The following ANKRD36 variants were observed in gnomAD, a reference collection of about 807,000 sequenced individuals.
ANKRD36 encodes the protein ankyrin repeat domain 36.
In ANKRD36, 179 loss-of-function variants were observed where a neutral mutation model predicts 278.1. The ratio of observed to expected loss-of-function variants is 0.64; its 90% confidence interval spans 0.57 to 0.73. ANKRD36 has a LOEUF of 0.73. Among genes scored for constraint, ANKRD36 ranks in the 30% least tolerant of loss-of-function variants. The pLI is 0.00. For missense variants in ANKRD36, 1,159 were observed against 1,956.7 expected, an observed-to-expected ratio of 0.59 and a Z score of 7.69; for synonymous variants, 320 against 641.1, an observed-to-expected ratio of 0.50 and a Z score of 7.57.
chr2:97,198,420 C>A, intron 42 of ANKRD36, 43 bp from the exon 43 acceptor site: 1 of 1,563,808 alleles, frequency 6.4e-7, no homozygotes, highest in Non-Finnish European at 8.6e-7. Context: ...ATAATTTTGT[C>A]GTTTTTACAT....
intron 24 of ANKRD36, among the ~76,000 whole-genome samples, chr2:97,181,030 G>A (rs139461988): frequency 2.2e-4 from 34 of 151,772 alleles, no homozygotes; most frequent in Non-Finnish European, 3.2e-4. Flanking sequence ...CACCACATGG[G>A]TGTGAGAAAT....
chr2:97,228,836 G>C (rs1378531777), intron 67 of ANKRD36, among the ~76,000 whole-genome samples: 5 of 151,802 alleles, frequency 3.3e-5, no homozygotes, highest in African/African-American at 7.3e-5. Context: ...GGTATGTTGT[G>C]TCTTTGTTCT....
At chr2:97,138,272 A>G (rs2042029949) in intron 6 of ANKRD36, among the ~76,000 whole-genome samples, 1 of 152,102 alleles carries the variant, frequency 6.6e-6, no homozygotes, top group African/African-American at 2.4e-5. Context: ...TCAATGTGCA[A>G]AATTCACAAG....
intron 50 of ANKRD36, among the ~76,000 whole-genome samples, chr2:97,204,824 T>G (rs376052409): frequency 4.0e-5 from 6 of 151,502 alleles, no homozygotes; most frequent in Non-Finnish European, 5.9e-5. Context: ...TGGAATATTT[T>G]CATAAAAAAT....
In ANKRD36 at chr2:97,173,173, T is replaced by C. The variant is rs528575565; in HGVS notation, c.1633+5406T>C. The stretch of plus-strand genomic sequence containing the variant: ...TGAATAAAATTTCAGAGCTTGTTTC[T>C]CTGGAAAGCATAGACATAGTGGTGT... On this transcript the variant is annotated intron_variant, in intron 22 of 75. Coordinates refer to ENST00000420699, the MANE Select transcript of ANKRD36 (RefSeq NM_001354587.1). Among the ~76,000 whole-genome samples the C allele has an allele frequency of 3.3e-5, 5 of 151,864 alleles. No homozygotes were observed. The East Asian group carries it at 9.7e-4, about 29-fold the overall frequency.
intron 52 of ANKRD36, among the ~76,000 whole-genome samples, 192 bp downstream of exon 52, chr2:97,206,327 A>G (rs2062841775): frequency 6.6e-6 from 1 of 151,460 alleles, no homozygotes; most frequent in South Asian, 2.1e-4. Context: ...CTGTAAGATT[A>G]TACACTTCCC....
At position 97,203,150 on chromosome 2, in the gene ANKRD36, C is replaced by G. The variant is rs541137801; in HGVS notation, c.2959+757C>G. Among the ~76,000 whole-genome samples the G allele has an allele frequency of 2.0e-3, 311 of 151,860 alleles. 2 individuals carry two copies. The highest frequency in any genetic ancestry group is 7.2e-3 in the African/African-American group (297 of 41,464). Reference sequence around the variant, plus strand: ...TACATTGGTTTCCTTGTTCAAGGAGCTACCTCTTGGATACCATAGCTATTT... The same window carrying G: ...TACATTGGTTTCCTTGTTCAAGGAGGTACCTCTTGGATACCATAGCTATTT... On this transcript the variant is annotated intron_variant, in intron 48 of 75. Transcript: ENST00000420699.
At chr2:97,177,107 A>C (rs1196536344) in intron 22 of ANKRD36, among the ~76,000 whole-genome samples, 6 of 151,832 alleles carry the variant, frequency 4.0e-5, no homozygotes, top group Non-Finnish European at 8.8e-5. Flanking sequence ...ATACCTAGGA[A>C]TCCAACTTAC....
chr2:97,180,403 G>T (rs1444760125), intron 24 of ANKRD36, among the ~76,000 whole-genome samples: 1 of 151,584 alleles, frequency 6.6e-6, no homozygotes, highest in East Asian at 1.9e-4. Flanking sequence ...GAGGGATTGT[G>T]AGGCAGGAAG....
chr2:97,215,538 A>C, intron 62 of ANKRD36, 41 bp downstream of exon 62: 1 of 1,595,456 alleles, frequency 6.3e-7, no homozygotes, highest in Non-Finnish European at 8.5e-7. Flanking sequence ...TCGATCAAAT[A>C]GAAGAGAAAT....
intron 30 of ANKRD36, 98 bp downstream of exon 30, chr2:97,185,608 A>G: frequency 4.2e-6 from 6 of 1,412,378 alleles, no homozygotes; most frequent in South Asian, 2.5e-5. Flanking sequence ...AAAGCTGCAC[A>G]TTCTGATTCA....
Position 97,136,699 on chromosome 2 carries a change from A to C in ANKRD36, c.800-5941A>C, listed in dbSNP as rs1178092940. On this transcript the variant is annotated intron_variant, in intron 6 of 75. Transcript: ENST00000420699. ...GATGATTGTTGTTGCGGTGTGAGAGAAGAGGAACATCATGTTGAATATGTG... is the reference window on the plus strand; with the variant it reads ...GATGATTGTTGTTGCGGTGTGAGAGCAGAGGAACATCATGTTGAATATGTG... Among the ~76,000 whole-genome samples the C allele has an allele frequency of 4.6e-5, 7 of 151,662 alleles. No individual in the cohort carries two copies. In the Admixed American group the frequency reaches 4.6e-4, roughly 10 times the overall value.
Position 97,192,998 on chromosome 2 carries a change from A to G in ANKRD36, c.2394A>G (p.Glu798=). ...CCATTCAGGCTACAAGTGACGAGGA[A>G]GGTTCTGTTTTGAGTATAGCCAGAG... ...PPALTATSDE[E]GSVLSIAREN... Residue 798 remains glutamate (E), a synonymous_variant, in exon 38 of 76, where the codon GAA becomes GAG. Transcript: ENST00000420699. 1 of 1,579,742 alleles carries G rather than the reference A, an allele frequency of 6.3e-7. No individual in the cohort carries two copies. Among genetic ancestry groups the G allele is most frequent in the Non-Finnish European group, 8.6e-7 (1 of 1,162,678 alleles).
At position 97,196,720 on chromosome 2, in the gene ANKRD36, C is replaced by A. The variant is rs565502322; in HGVS notation, c.2585C>A (p.Thr862Lys). The A allele has an allele frequency of 1.9e-5, 29 of 1,563,268 alleles. No individual in the cohort carries two copies. The highest frequency in any genetic ancestry group is 7.2e-5 in the East Asian group (3 of 41,488). Residue 862 changes from threonine to lysine, a missense_variant, in exon 42 of 76, where the codon ACA (threonine) becomes AAA (lysine). Transcript: ENST00000420699. ...TTCGTTTCAAATTCCATTCAGGGTACAAGTGACGAGGAAGATTCTGTTTTG... is the reference window on the plus strand; with the variant it reads ...TTCGTTTCAAATTCCATTCAGGGTAAAAGTGACGAGGAAGATTCTGTTTTG... ...SSQKPPTLKG[T>K]SDEEDSVLGI...
At position 97,113,666 on chromosome 2, in the gene ANKRD36, T is replaced by C. The variant is rs879606714; in HGVS notation, c.-74T>C. On this transcript the variant is annotated 5_prime_UTR_variant, in exon 1 of 76. Transcript: ENST00000420699. ...CGTGGACAGACTGCTTTGCTCGTTG[T>C]TGCTCTTCGGAGGCGGCGATCCCCG... 5 of 1,595,984 alleles carry C rather than the reference T, an allele frequency of 3.1e-6. 1 individual carries two copies. In the Admixed American group the frequency reaches 8.5e-5, roughly 27 times the overall value.
At chr2:97,202,520 T>A in intron 48 of ANKRD36, 127 bp downstream of exon 48, 1 of 1,430,018 alleles carries the variant, frequency 7.0e-7, no homozygotes, top group Non-Finnish European at 9.3e-7. Flanking sequence ...AGATTCTTCA[T>A]TTGTAGTAAG....
At chr2:97,219,426 G>T (rs1374875832) in intron 66 of ANKRD36, among the ~76,000 whole-genome samples, 180 bp downstream of exon 66, 1 of 152,104 alleles carries the variant, frequency 6.6e-6, no homozygotes, top group Non-Finnish European at 1.5e-5. Context: ...CATGCATAAA[G>T]AAAATATATT....
rs1303468287 is a variant in ANKRD36 at position 97,217,163 on chromosome 2, C to G, written c.3674-14C>G. 8 of 1,542,028 alleles carry G rather than the reference C, an allele frequency of 5.2e-6. No individual in the cohort carries two copies. The highest frequency in any genetic ancestry group is 2.3e-4 in the Middle Eastern group (1 of 4,338). ...TTTACATATGATGAATTATATATTT[C>G]TTTTACTTTTCAGTGTCTCCTCAGA... On this transcript the variant is annotated splice_polypyrimidine_tract_variant and intron_variant, in intron 62 of 75. Transcript: ENST00000420699.
intron 3 of ANKRD36, among the ~76,000 whole-genome samples, chr2:97,120,748 T>C (rs557580870): frequency 4.9e-4 from 75 of 152,138 alleles, no homozygotes; most frequent in Non-Finnish European, 7.6e-4. Context: ...TACATACAAT[T>C]GCTTGGAGAC....
Sources: allele counts gnomAD v4.1 joint callset (sites outside exome capture counted in the v4.1 genomes callset), GRCh38; gene constraint gnomAD v4.1.1; transcripts MANE v1.5; gene names NCBI Gene and HGNC (gene_info 2026-07-23, HGNC 2026-07-21).